The following TPM1 variants were observed in gnomAD, a reference collection of about 807,000 sequenced individuals.
TPM1 encodes the protein tropomyosin alpha-1 chain.
TPM1 carries 24 observed loss-of-function variants against 42.9 expected under a neutral mutation model. The observed-to-expected ratio is 0.56, with a 90% CI of 0.41 to 0.79. The LOEUF (loss-of-function observed/expected upper bound fraction) is 0.79. Ranked by LOEUF, TPM1 falls within the 30% of genes least tolerant of loss-of-function variation. The pLI, the probability that TPM1 is intolerant of heterozygous loss-of-function variation, is 0.00. For missense variants in TPM1, 158 were observed against 351.8 expected (o/e 0.45, Z 4.41); for synonymous variants, 136 against 130.1 (o/e 1.05, Z -0.31).
Position 63,066,112 on chromosome 15 carries a change from TTTAC to T in TPM1, c.*216_*219del. 6.7e-7 allele frequency: 1 copy of T among 1,490,874 alleles called. No individual in the cohort carries two copies. The highest frequency in any genetic ancestry group is 8.9e-7 in the Non-Finnish European group (1 of 1,129,472). 92.4% of individuals were successfully genotyped at this position (1,490,874 alleles called of 1,614,324 possible). A position where few individuals can be genotyped will look rare whatever the true frequency, so the allele number is the denominator to read the frequency against. Reference sequence around the variant, plus strand: ...TAAGCTATTTCTGTTTGCTATTCTTTTTACTTCTTATTTATTGACATTTTAGTTT... The same window carrying T: ...TAAGCTATTTCTGTTTGCTATTCTTTTTCTTATTTATTGACATTTTAGTTT... On this transcript the variant is annotated 3_prime_UTR_variant, in exon 10 of 10. Coordinates refer to ENST00000403994, the MANE Select transcript of TPM1 (RefSeq NM_001018005.2).
At chr15:63,062,776 C>T (rs2035823830) in intron 8 of TPM1, 131 bp downstream of exon 8, 1 of 1,560,456 alleles carries the variant, frequency 6.4e-7, no homozygotes, top group Admixed American at 1.9e-5. Context: ...TGTGTGTCCT[C>T]TGGGGTTTTT....
At chr15:63,070,558 T>C, downstream of TPM1, 1 of 998,076 alleles carries the variant, frequency 1.0e-6, no homozygotes, top group Admixed American at 5.4e-5. Context: ...TAAGAGAATG[T>C]CCTAATGAAG....
At position 63,048,806 on chromosome 15, in the gene TPM1, C is replaced by T. The variant is rs999528685; in HGVS notation, c.240+4654C>T. The T allele has an allele frequency of 4.8e-6, 7 of 1,468,822 alleles. No homozygotes were observed. In the Admixed American group the frequency reaches 8.1e-5, roughly 17 times the overall value. 91.0% of individuals were successfully genotyped at this position (1,468,822 alleles called of 1,614,324 possible). A position where few individuals can be genotyped will look rare whatever the true frequency, so the allele number is the denominator to read the frequency against. Reference sequence around the variant, plus strand: ...CTTCCCCCCCCGCAGGCCCCGGTCCCTCGTCCCCACGCCTCCAGGGCGCAC... The same window carrying T: ...CTTCCCCCCCCGCAGGCCCCGGTCCTTCGTCCCCACGCCTCCAGGGCGCAC... On this transcript the variant is annotated intron_variant, in intron 2 of 9. Coordinates refer to ENST00000403994, the MANE Select transcript of TPM1 (RefSeq NM_001018005.2).
In TPM1 at chr15:63,058,554, G is replaced by A. The variant is rs78032670; in HGVS notation, c.375-1009G>A. ...TAACCCCTAAATCTACTAAAAAATA[G>A]AAAACTTAGCCAGGCGTGGTGGTGC... On this transcript the variant is annotated intron_variant, in intron 3 of 9. Coordinates refer to ENST00000403994, the MANE Select transcript of TPM1 (RefSeq NM_001018005.2). Among the ~76,000 whole-genome samples, 8 of 152,028 alleles carry A rather than the reference G, an allele frequency of 5.3e-5. No homozygotes were observed. In the East Asian group the frequency reaches 1.6e-3, roughly 29 times the overall value.
chr15:63,060,795 C>A, intron 4 of TPM1, 74 bp from the exon 5 acceptor site: 1 of 1,532,896 alleles, frequency 6.5e-7, no homozygotes, highest in South Asian at 1.1e-5. Context: ...GGGATCTGAT[C>A]TCTACCCCCA....
At chr15:63,049,958 C>G (rs1407727416) in intron 2 of TPM1, among the ~76,000 whole-genome samples, 3 of 152,184 alleles carry the variant, frequency 2.0e-5, no homozygotes, top group Non-Finnish European at 4.4e-5. Flanking sequence ...TGGATAAAAA[C>G]AAGAACTTTG....
chr15:63,070,374 T>TA (rs1217796808), downstream of TPM1: 1 of 998,380 alleles, frequency 1.0e-6, no homozygotes, highest in Non-Finnish European at 1.2e-6. Context: ...AAATATCTGG[T>TA]ATAGTGTTTG....
Position 63,059,638 on chromosome 15 carries a change from G to A in TPM1, c.450G>A (p.Glu150=). 2 of 1,612,684 alleles carry A rather than the reference G, an allele frequency of 1.2e-6. No homozygotes were observed. Among genetic ancestry groups the A allele is most frequent in the South Asian group, 2.2e-5 (2 of 90,982 alleles). The change falls in exon 4 of 10, where the codon GAG becomes GAA. Residue 150 remains glutamate (E), a synonymous_variant. Transcript: ENST00000403994. Reference sequence around the variant, plus strand: ...AAATTCAGGAGATCCAACTGAAAGAGGCCAAGCACATTGCTGAAGATGCCG... The same window carrying A: ...AAATTCAGGAGATCCAACTGAAAGAAGCCAAGCACATTGCTGAAGATGCCG... ...KMEIQEIQLK[E]AKHIAEDADR...
At chr15:63,050,502 A>G (rs73431517) in intron 2 of TPM1, among the ~76,000 whole-genome samples, 3,142 of 152,302 alleles carry the variant, frequency 0.021, 28 homozygotes, top group South Asian at 0.027. Context: ...TGAAGGGCAC[A>G]TTATTACTTT....
chr15:63,067,758 C>G (rs1380594736), downstream of TPM1, among the ~76,000 whole-genome samples: 1 of 152,170 alleles, frequency 6.6e-6, no homozygotes, highest in Non-Finnish European at 1.5e-5. Flanking sequence ...GTTCAAAGGG[C>G]CAGGCCATAG....
chr15:63,062,402 G>T, intron 7 of TPM1, 125 bp downstream of exon 7: 1 of 1,281,024 alleles, frequency 7.8e-7, no homozygotes, highest in Non-Finnish European at 1.1e-6. Flanking sequence ...AGGTCGCCTT[G>T]GAGTTTATGT....
At chr15:63,058,274 G>T (rs2035097372) in intron 3 of TPM1, among the ~76,000 whole-genome samples, 1 of 152,154 alleles carries the variant, frequency 6.6e-6, no homozygotes, top group South Asian at 2.1e-4. Flanking sequence ...GGGACTTGGG[G>T]ATCATTTAGT....
downstream of TPM1, among the ~76,000 whole-genome samples, chr15:63,067,256 C>CT (rs976972802): frequency 3.3e-5 from 5 of 151,744 alleles, no homozygotes; most frequent in Non-Finnish European, 5.9e-5. Flanking sequence ...AGAGGAAATA[C>CT]TTTTTTTTAA....
chr15:63,043,573 C>A, intron 1 of TPM1: 1 of 1,398,226 alleles, frequency 7.2e-7, no homozygotes, highest in Non-Finnish European at 9.8e-7. Flanking sequence ...AGGAAGTTAC[C>A]TCGGGTCCTT....
intron 2 of TPM1, chr15:63,046,040 T>G (rs1490753298): frequency 6.6e-6 from 1 of 152,222 alleles, no homozygotes; most frequent in Non-Finnish European, 1.5e-5. Flanking sequence ...CTGAGACATG[T>G]GTCGTTAGGT....
chr15:63,062,757 CA>C, intron 8 of TPM1, 112 bp downstream of exon 8: 1 of 1,583,234 alleles, frequency 6.3e-7, no homozygotes, highest in Non-Finnish European at 8.6e-7. Flanking sequence ...TGCACTTGCA[CA>C]TTCTTCCTGT....
chr15:63,067,503 T>G (rs1566974330), downstream of TPM1, among the ~76,000 whole-genome samples: 3 of 152,214 alleles, frequency 2.0e-5, no homozygotes, highest in South Asian at 6.2e-4. Flanking sequence ...ATGCCAAGTC[T>G]GAAAGTTCTG....
In TPM1 at chr15:63,049,896, C is replaced by T. The variant is rs185299236; in HGVS notation, c.240+5744C>T. 1.8e-3 allele frequency among the ~76,000 whole-genome samples: 273 copies of T among 152,332 alleles called. 1 individual carries two copies. The highest frequency in any genetic ancestry group is 6.3e-3 in the African/African-American group (260 of 41,562). On this transcript the variant is annotated intron_variant, in intron 2 of 9. Transcript: ENST00000403994. ...GCTGGGTGGTAAACTAATTCCGACT[C>T]CCTTACTCGCTAGTAGCTGTCCTTG...
chr15:63,067,102 C>T (rs2036321758), downstream of TPM1, among the ~76,000 whole-genome samples: 1 of 145,446 alleles, frequency 6.9e-6, no homozygotes, highest in Admixed American at 7.5e-5. Flanking sequence ...TATATTTCTC[C>T]TGTTTTTTTT....
Sources: gnomAD v4.1 joint callset for allele counts (sites outside exome capture counted in the v4.1 genomes callset) on GRCh38, gnomAD v4.1.1 for gene constraint, MANE v1.5 for transcripts, NCBI Gene and HGNC (gene_info 2026-07-23, HGNC 2026-07-21) for gene names.